Variants in DNAH14 observed in about 807,000 individuals in gnomAD.
DNAH14 encodes axonemal beta dynein heavy chain 14.
DNAH14 carries 478 observed loss-of-function variants against 520.9 expected under a neutral mutation model. The ratio of observed to expected loss-of-function variants is 0.92; its 90% CI spans 0.85 to 0.99. The LOEUF (loss-of-function observed/expected upper bound fraction) is 0.99. DNAH14 is among the 50% of genes least tolerant of loss of function. DNAH14 has a pLI of 0.00. For missense variants in DNAH14, 4,831 were observed against 5,234.5 expected (o/e 0.92, Z 2.38); for synonymous variants, 1,581 against 1,757.2 (o/e 0.90, Z 2.51).
intron 55 of DNAH14, among the ~76,000 whole-genome samples, chr1:225,296,457 CTGGTTGTTTTG>C (rs1164100841): frequency 6.7e-6 from 1 of 149,020 alleles, no homozygotes; most frequent in Non-Finnish European, 1.5e-5. Flanking sequence ...TGATTGTTTT[CTGGTTGTTTTG>C]TGTATCCTTC....
At chr1:224,941,868 A>G (rs2059442364) in intron 1 of DNAH14, among the ~76,000 whole-genome samples, 1 of 152,088 alleles carries the variant, frequency 6.6e-6, no homozygotes, top group Admixed American at 6.6e-5. Flanking sequence ...ATTGGTCTAT[A>G]TCTCTGTTTT....
chr1:225,244,611 T>C (rs968881433), intron 43 of DNAH14, among the ~76,000 whole-genome samples: 2 of 152,214 alleles, frequency 1.3e-5, no homozygotes, highest in African/African-American at 4.8e-5. Context: ...ATTTATCCTT[T>C]TCTTCTAGAT....
At chr1:224,934,830 C>G (rs543368985) in intron 1 of DNAH14, among the ~76,000 whole-genome samples, 18 of 151,952 alleles carry the variant, frequency 1.2e-4, no homozygotes, top group African/African-American at 3.6e-4. Flanking sequence ...CTATAGATTT[C>G]TCTGCAGAAA....
intron 60 of DNAH14, among the ~76,000 whole-genome samples, chr1:225,316,414 G>T (rs1269719726): frequency 6.6e-6 from 1 of 152,168 alleles, no homozygotes; most frequent in African/African-American, 2.4e-5. Context: ...AAAAACTCCT[G>T]CAGCTAGTTT....
In DNAH14 at chr1:225,204,266, A is replaced by G; in HGVS notation, c.5970A>G (p.Glu1990=). The G allele has an allele frequency of 6.8e-7, 1 of 1,463,276 alleles. No individual in the cohort carries two copies. Among genetic ancestry groups the G allele is most frequent in the South Asian group, 1.4e-5 (1 of 71,354 alleles). 90.6% of individuals were successfully genotyped at this position (1,463,276 alleles called of 1,614,324 possible). Residue 1990 remains glutamate (E), a synonymous_variant, in exon 39 of 86, where the codon GAA becomes GAG. Transcript: ENST00000682510. ...TAGAGAAAGTTGTTAAAATTCCAGA[A>G]AATCACAGTAAGTGTTACTAAATTC... ...EEIEKVVKIP[E]NHNFDWQWII... is the part of the protein sequence containing the mutation.
chr1:225,327,467 C>T (rs970676653), intron 64 of DNAH14, among the ~76,000 whole-genome samples: 3 of 152,080 alleles, frequency 2.0e-5, no homozygotes, highest in South Asian at 2.1e-4. Flanking sequence ...GGCCGACTAA[C>T]TCATTCTTAA....
intron 1 of DNAH14, among the ~76,000 whole-genome samples, chr1:224,943,488 A>G (rs545180548): frequency 6.6e-6 from 1 of 151,820 alleles, no homozygotes; most frequent in East Asian, 1.9e-4. Flanking sequence ...TTGTGTCTCT[A>G]TTTCCTTCAG....
intron 74 of DNAH14, among the ~76,000 whole-genome samples, chr1:225,360,258 T>C (rs1294726993): frequency 6.6e-6 from 1 of 152,232 alleles, no homozygotes; most frequent in Non-Finnish European, 1.5e-5. Context: ...TGATGGGCAT[T>C]TGGGTTGATT....
intron 36 of DNAH14, among the ~76,000 whole-genome samples, chr1:225,179,909 TTC>T (rs2083768327): frequency 1.3e-5 from 2 of 152,230 alleles, no homozygotes; most frequent in South Asian, 4.1e-4. Context: ...AGTTTTTTTT[TTC>T]TGTCAGGACT....
In DNAH14 at chr1:225,337,247, AC is replaced by A. The variant is rs2095076768; in HGVS notation, c.10081-18del. The A allele has an allele frequency of 6.5e-7, 1 of 1,537,676 alleles. No homozygotes were observed. On this transcript the variant is annotated intron_variant, in intron 66 of 85. Transcript: ENST00000682510. ...AAGACATTTACAAAATAGTGAAAGT[AC>A]TAATAATTTCATTGCAGATCAGCCG...
At chr1:224,955,914 A>G (rs951944666) in intron 3 of DNAH14, among the ~76,000 whole-genome samples, 2 of 152,034 alleles carry the variant, frequency 1.3e-5, no homozygotes, top group South Asian at 4.2e-4. Context: ...AGACTTCCTT[A>G]CCTCTAATTC....
chr1:225,013,902 G>T (rs1383038258), intron 10 of DNAH14, among the ~76,000 whole-genome samples: 1 of 152,142 alleles, frequency 6.6e-6, no homozygotes, highest in Non-Finnish European at 1.5e-5. Context: ...CCTTGGGGGT[G>T]GGATCTGTTG....
chr1:224,998,208 T>C (rs748470609), intron 8 of DNAH14, among the ~76,000 whole-genome samples: 6 of 152,168 alleles, frequency 3.9e-5, no homozygotes, highest in Non-Finnish European at 7.4e-5. Context: ...GTTAGGTTTA[T>C]TGATGTTTTT....
chr1:225,001,756 G>A (rs1372161299), intron 8 of DNAH14, among the ~76,000 whole-genome samples: 1 of 152,090 alleles, frequency 6.6e-6, no homozygotes, highest in African/African-American at 2.4e-5. Flanking sequence ...AATAAGTACT[G>A]AGATTGTGTT....
intron 41 of DNAH14, among the ~76,000 whole-genome samples, chr1:225,229,742 G>A (rs1198710047): frequency 6.6e-5 from 10 of 150,794 alleles, no homozygotes; most frequent in Admixed American, 4.6e-4. Context: ...CACAAGGGGG[G>A]AACATCATAC....
chr1:225,340,676 A>G lies in DNAH14; in HGVS notation c.10653A>G (p.Thr3551=). 1 of 1,551,350 alleles carries G rather than the reference A, an allele frequency of 6.4e-7. No individual in the cohort carries two copies. The highest frequency in any genetic ancestry group is 1.2e-5 in the South Asian group (1 of 84,018). ...AITLEELEEK[T]LNLLQKALGS... is the part of the protein sequence containing the mutation. Reference sequence around the variant, plus strand: ...CTCTTGAAGAACTAGAGGAAAAAACATTAAATTTACTGCAGAAAGCACTAG... The same window carrying G: ...CTCTTGAAGAACTAGAGGAAAAAACGTTAAATTTACTGCAGAAAGCACTAG... The change falls in exon 69 of 86, where the codon ACA becomes ACG. Residue 3551 remains threonine (T), a synonymous_variant. Coordinates refer to ENST00000682510, the MANE Select transcript of DNAH14 (RefSeq NM_001367479.1).
At chr1:225,012,560 C>T (rs921181218) in intron 10 of DNAH14, among the ~76,000 whole-genome samples, 3 of 152,106 alleles carry the variant, frequency 2.0e-5, no homozygotes, top group Non-Finnish European at 2.9e-5. Context: ...TGTGTTTTCC[C>T]ACTGGGTTCC....
intron 22 of DNAH14, among the ~76,000 whole-genome samples, chr1:225,097,879 GT>G (rs1298315060): frequency 6.6e-6 from 1 of 152,134 alleles, no homozygotes; most frequent in African/African-American, 2.4e-5. Context: ...TAATAAACAT[GT>G]TTTTAGTAGC....
At chr1:225,245,229 C>T (rs1162400769) in intron 43 of DNAH14, among the ~76,000 whole-genome samples, 1 of 152,092 alleles carries the variant, frequency 6.6e-6, no homozygotes, top group African/African-American at 2.4e-5. Flanking sequence ...GATTTCCTTT[C>T]TTTTGCATTT....
Sources: gnomAD v4.1 joint callset for allele counts (sites outside exome capture counted in the v4.1 genomes callset) on GRCh38, gnomAD v4.1.1 for gene constraint, MANE v1.5 for transcripts, NCBI Gene and HGNC (gene_info 2026-07-23, HGNC 2026-07-21) for gene names.